Variants in CAMK2A observed in about 807,000 individuals in gnomAD.
The protein encoded by CAMK2A is calcium/calmodulin-dependent protein kinase type II subunit alpha.
A neutral mutation model predicts 79.2 loss-of-function variants in CAMK2A; 7 were observed. The observed-to-expected ratio is 0.09, with a 90% CI of 0.05 to 0.17. The LOEUF is 0.17. Ranked by LOEUF, CAMK2A falls within the 10% of genes least tolerant of loss-of-function variation. The pLI, the probability that CAMK2A is intolerant of heterozygous loss-of-function variation, is 1.00. For synonymous variants in CAMK2A, 242 were observed against 251.7 expected (o/e 0.96, Z 0.36); for missense variants, 214 against 646.4 (o/e 0.33, Z 7.25).
At chr5:150,282,945 G>A (rs1173170875) in intron 1 of CAMK2A, among the ~76,000 whole-genome samples, 1 of 152,238 alleles carries the variant, frequency 6.6e-6, no homozygotes, top group African/African-American at 2.4e-5. Flanking sequence ...CTGTGGAGCT[G>A]AAAGCTACCT....
chr5:150,231,257 T>TG, intron 16 of CAMK2A, 48 bp downstream of exon 16: 1 of 1,171,192 alleles, frequency 8.5e-7, no homozygotes, highest in South Asian at 1.4e-5. Flanking sequence ...TGGTACCCCC[T>TG]GAACAACAAT....
At position 150,284,870 on chromosome 5, in the gene CAMK2A, C is replaced by T. The variant is rs1479112368; in HGVS notation, c.62+4694G>A. 6.6e-6 allele frequency among the ~76,000 whole-genome samples: 1 copy of T among 152,150 alleles called. No homozygotes were observed. Among genetic ancestry groups the T allele is most frequent in the African/African-American group, 2.4e-5 (1 of 41,426 alleles). On this transcript the variant is annotated intron_variant, in intron 1 of 18. Transcript: ENST00000671881. This position sits in a 1 kb window ranked among gnomAD's most constrained non-coding sequence, Gnocchi z 5.3. Reference sequence around the variant, plus strand: ...CATGGTCCTTACAATTCTGATGTTCCGGAGGTCTGCAATTTCCCATATGTG... The same window carrying T: ...CATGGTCCTTACAATTCTGATGTTCTGGAGGTCTGCAATTTCCCATATGTG...
chr5:150,238,675 C>T, intron 15 of CAMK2A, 25 bp downstream of exon 15: 2 of 1,591,082 alleles, frequency 1.3e-6, no homozygotes, highest in East Asian at 4.5e-5. Context: ...TCTAAGGGGT[C>T]CCGACACTGA....
chr5:150,242,498 T>A (rs1755393202), intron 13 of CAMK2A, among the ~76,000 whole-genome samples: 1 of 152,190 alleles, frequency 6.6e-6, no homozygotes, highest in Non-Finnish European at 1.5e-5. Flanking sequence ...ATGGGGTTTG[T>A]CTCCAGCTGC....
rs566258154 is a variant in CAMK2A at position 150,219,623 on chromosome 5, A to T, written c.*3087T>A. On this transcript the variant is annotated 3_prime_UTR_variant, in exon 19 of 19. Coordinates refer to ENST00000671881, the MANE Select transcript of CAMK2A (RefSeq NM_015981.4). ...TGTTCATTCAAGTTCACAGCCACAT[A>T]TTTTTAAAAAAGAAAAGAAAAAAAA... 2.2e-5 allele frequency: 1 copy of T among 46,188 alleles called. No homozygotes were observed. The highest frequency in any genetic ancestry group is 3.6e-4 in the Admixed American group (1 of 2,788). The allele number at this position is 46,188 out of a possible 1,614,324, so 2.9% of individuals were successfully genotyped here.
intron 12 of CAMK2A, among the ~76,000 whole-genome samples, chr5:150,246,925 G>A (rs779685087): frequency 3.3e-5 from 5 of 152,234 alleles, no homozygotes; most frequent in Non-Finnish European, 5.9e-5. Flanking sequence ...AGGGCCCCTC[G>A]GGTGAGCTTT....
chr5:150,221,496 G>A lies in CAMK2A; in HGVS notation c.*1214C>T, dbSNP rs963861589. ...GGTGAGATGAAATCCTGGGAAGTTCGGTAGAGAAGACCCCAGTTTGCGAGG... is the reference window on the plus strand; with the variant it reads ...GGTGAGATGAAATCCTGGGAAGTTCAGTAGAGAAGACCCCAGTTTGCGAGG... On this transcript the variant is annotated 3_prime_UTR_variant, in exon 19 of 19. Transcript: ENST00000671881. 6.3e-5 allele frequency: 25 copies of A among 398,526 alleles called. No individual in the cohort carries two copies. The highest frequency in any genetic ancestry group is 5.1e-4 in the African/African-American group (25 of 48,580). The allele number at this position is 398,526 out of a possible 1,614,324, so 24.7% of individuals were successfully genotyped here.
At chr5:150,272,774 C>T (rs539532099) in intron 2 of CAMK2A, among the ~76,000 whole-genome samples, 1 of 151,764 alleles carries the variant, frequency 6.6e-6, no homozygotes, top group Non-Finnish European at 1.5e-5. Context: ...GAAGTGATGG[C>T]AAGTGGCAAG....
At chr5:150,254,169 G>A (rs2150282783) in intron 6 of CAMK2A, among the ~76,000 whole-genome samples, 1 of 152,244 alleles carries the variant, frequency 6.6e-6, no homozygotes, top group Admixed American at 6.5e-5. Context: ...TATCTAGAGG[G>A]GAAGCCCTCA....
intron 14 of CAMK2A, among the ~76,000 whole-genome samples, chr5:150,239,275 G>A (rs975073057): frequency 3.3e-5 from 5 of 152,110 alleles, no homozygotes; most frequent in Non-Finnish European, 7.4e-5. Context: ...TGCCACCGGC[G>A]GGCCTGGTAG....
At chr5:150,226,749 G>C (rs1274100861) in intron 17 of CAMK2A, among the ~76,000 whole-genome samples, 4 of 141,144 alleles carry the variant, frequency 2.8e-5, no homozygotes, top group African/African-American at 5.0e-5. Context: ...AAAAAAGGGG[G>C]GGGGGGGATT....
In CAMK2A at chr5:150,289,742, G is replaced by A. The variant is rs1757587219; in HGVS notation, c.-117C>T. The A allele has an allele frequency of 1.3e-6, 1 of 762,094 alleles. No individual in the cohort carries two copies. Among genetic ancestry groups the A allele is most frequent in the South Asian group, 1.7e-5 (1 of 57,980 alleles). The allele number at this position is 762,094 out of a possible 1,614,324, so 47.2% of individuals were successfully genotyped here. A position where few individuals can be genotyped will look rare whatever the true frequency, so the allele number is the denominator to read the frequency against. On this transcript the variant is annotated 5_prime_UTR_variant, in exon 1 of 19. Coordinates refer to ENST00000671881, the MANE Select transcript of CAMK2A (RefSeq NM_015981.4). ...GCCCGTGCTGCCGAGTGCAAACAGA[G>A]AACCGGTTTGACTGACGAGCCCGGG...
intron 6 of CAMK2A, among the ~76,000 whole-genome samples, chr5:150,254,507 G>A (rs1293310213): frequency 6.6e-6 from 1 of 152,224 alleles, no homozygotes; most frequent in Non-Finnish European, 1.5e-5. Flanking sequence ...TAGGCTGAAA[G>A]ATGATGAGGC....
intron 1 of CAMK2A, among the ~76,000 whole-genome samples, chr5:150,278,399 G>T (rs2150306423): frequency 6.6e-6 from 1 of 150,660 alleles, no homozygotes; most frequent in Non-Finnish European, 1.5e-5. Flanking sequence ...AAAAAAGCAT[G>T]TTTCTGTATT....
chr5:150,267,273 C>G (rs887542331), intron 2 of CAMK2A, among the ~76,000 whole-genome samples: 1 of 152,010 alleles, frequency 6.6e-6, no homozygotes, highest in African/African-American at 2.4e-5. Flanking sequence ...CCATACCCTA[C>G]CCCCCATCCC....
rs373289094 is a variant in CAMK2A, at chr5:150,238,759, G to C, written c.1018-11C>G. On this transcript the variant is annotated splice_polypyrimidine_tract_variant and intron_variant, in intron 14 of 18. Coordinates refer to ENST00000671881, the MANE Select transcript of CAMK2A (RefSeq NM_015981.4). ...GCTCTCTGAGGATTCCTGCCAAAGAGAATACAGGAGATGGTGAGGCCTGCC... is the reference window on the plus strand; with the variant it reads ...GCTCTCTGAGGATTCCTGCCAAAGACAATACAGGAGATGGTGAGGCCTGCC... 19 of 1,597,030 alleles carry C rather than the reference G, an allele frequency of 1.2e-5. No homozygotes were observed. The highest frequency in any genetic ancestry group is 1.6e-5 in the Non-Finnish European group (19 of 1,169,972).
chr5:150,236,001 G>T (rs1755041344), intron 15 of CAMK2A, among the ~76,000 whole-genome samples: 1 of 152,062 alleles, frequency 6.6e-6, no homozygotes, highest in Non-Finnish European at 1.5e-5. Flanking sequence ...AGGAAACAGG[G>T]TCCCAGTCCT....
intron 7 of CAMK2A, 41 bp from the exon 8 acceptor site, chr5:150,252,106 G>A: frequency 2.7e-6 from 4 of 1,480,696 alleles, no homozygotes; most frequent in Non-Finnish European, 3.8e-6. Flanking sequence ...ATACACAGAG[G>A]TTGTCTCGTA....
intron 2 of CAMK2A, among the ~76,000 whole-genome samples, chr5:150,266,488 T>A (rs1756518997): frequency 1.3e-5 from 2 of 152,188 alleles, no homozygotes; most frequent in South Asian, 4.1e-4. Flanking sequence ...AAAAACTCTG[T>A]GCCAAGCACT....
Sources: allele counts gnomAD v4.1 joint callset (sites outside exome capture counted in the v4.1 genomes callset), GRCh38; gene constraint gnomAD v4.1.1; non-coding constraint Gnocchi (gnomAD v3.1); transcripts MANE v1.5; gene names NCBI Gene and HGNC (gene_info 2026-07-23, HGNC 2026-07-21).